ATP2A2: variants seen among roughly 807,000 people sequenced by gnomAD.
The protein encoded by ATP2A2 is ATPase sarcoplasmic/endoplasmic reticulum Ca2+ transporting 2.
Under a neutral mutation model 109.3 loss-of-function variants are expected in ATP2A2, and 14 were observed. The ratio of observed to expected loss-of-function variants is 0.13; its 90% CI spans 0.08 to 0.20. The LOEUF is 0.20. ATP2A2 is among the 10% of genes least tolerant of loss of function. The pLI is 1.00. For missense variants in ATP2A2, 657 were observed against 1,321.6 expected (o/e 0.50, Z 7.80); for synonymous variants, 506 against 490.9 (o/e 1.03, Z -0.41).
intron 3 of ATP2A2, among the ~76,000 whole-genome samples, chr12:110,289,683 A>G (rs1372282556): frequency 3.9e-5 from 6 of 152,128 alleles, no homozygotes; most frequent in African/African-American, 1.4e-4. Flanking sequence ...TACTAAGTAG[A>G]TCTTTTAAAG....
chr12:110,335,069 T>C (rs1878713131), intron 11 of ATP2A2, among the ~76,000 whole-genome samples: 1 of 152,138 alleles, frequency 6.6e-6, no homozygotes, highest in Non-Finnish European at 1.5e-5. Flanking sequence ...GAGACAGGGC[T>C]CATTCGACCA....
At chr12:110,334,525 C>G (rs1878644235) in intron 11 of ATP2A2, among the ~76,000 whole-genome samples, 1 of 150,672 alleles carries the variant, frequency 6.6e-6, no homozygotes, top group South Asian at 2.1e-4. Context: ...TATCTTGAAA[C>G]TTTCCTTTGA....
At chr12:110,299,051 C>T (rs1246827633) in intron 5 of ATP2A2, among the ~76,000 whole-genome samples, 1 of 152,054 alleles carries the variant, frequency 6.6e-6, no homozygotes, top group African/African-American at 2.4e-5. Flanking sequence ...CTCACTGCAG[C>T]GTTGACCTCC....
At chr12:110,281,970 G>T (rs532452455) in intron 1 of ATP2A2, 63 bp downstream of exon 1, 2 of 1,359,764 alleles carry the variant, frequency 1.5e-6, no homozygotes, top group South Asian at 1.3e-5. Flanking sequence ...GAAGATGGCT[G>T]ACCGGGCTCC....
At chr12:110,345,573 CTG>C (rs1448820927) in intron 18 of ATP2A2, 191 bp downstream of exon 18, 2 of 902,036 alleles carry the variant, frequency 2.2e-6, no homozygotes, top group African/African-American at 1.7e-5. Context: ...GTGCTTAGCC[CTG>C]TGTTTCTTAG....
chr12:110,341,318 T>TC (rs1879332348), intron 14 of ATP2A2, among the ~76,000 whole-genome samples: 1 of 152,144 alleles, frequency 6.6e-6, no homozygotes, highest in African/African-American at 2.4e-5. Context: ...GTTGTTTGGA[T>TC]CACCCTGCTT....
intron 5 of ATP2A2, among the ~76,000 whole-genome samples, chr12:110,303,491 A>C (rs948881147): frequency 6.6e-6 from 1 of 151,154 alleles, no homozygotes; most frequent in Non-Finnish European, 1.5e-5. Flanking sequence ...GCTCACTGCA[A>C]CCTCCGACTC....
intron 17 of ATP2A2, 35 bp from the exon 18 acceptor site, chr12:110,345,214 T>C (rs370708133): frequency 1.2e-6 from 2 of 1,614,108 alleles, no homozygotes; most frequent in Non-Finnish European, 1.7e-6. Flanking sequence ...GGAAATATAC[T>C]GGGCTGATAG....
At chr12:110,341,032 C>T in intron 14 of ATP2A2, 38 bp downstream of exon 14, 2 of 1,605,896 alleles carry the variant, frequency 1.2e-6, no homozygotes, top group South Asian at 1.1e-5. Context: ...ACTCAGGCTA[C>T]ACAAGCACAT....
intron 11 of ATP2A2, 29 bp downstream of exon 11, chr12:110,334,172 ATGCT>A (rs746160166): frequency 1.2e-6 from 2 of 1,612,834 alleles, no homozygotes; most frequent in Non-Finnish European, 1.7e-6. Flanking sequence ...TTTATTGTTC[ATGCT>A]GCTTATCAGT....
In ATP2A2 at chr12:110,304,102, CTT is replaced by C. The variant is rs545042542; in HGVS notation, c.463+7366_463+7367del. Among the ~76,000 whole-genome samples, 817 of 152,254 alleles carry C rather than the reference CTT, an allele frequency of 5.4e-3. 2 individuals carry two copies. Among genetic ancestry groups the C allele is most frequent in the Non-Finnish European group, 8.5e-3 (577 of 68,020 alleles). On this transcript the variant is annotated intron_variant, in intron 5 of 19. Coordinates refer to ENST00000539276, the MANE Select transcript of ATP2A2 (RefSeq NM_170665.4). ...AGTCAATCTTGGTGACTGGCTTTCTCTTAGCATAGTGTTACATTTCGTTCATG... is the reference window on the plus strand; with the variant it reads ...AGTCAATCTTGGTGACTGGCTTTCTCAGCATAGTGTTACATTTCGTTCATG...
At chr12:110,324,345 TAAA>T (rs889373965) in intron 6 of ATP2A2, among the ~76,000 whole-genome samples, 1 of 152,168 alleles carries the variant, frequency 6.6e-6, no homozygotes, top group African/African-American at 2.4e-5. Flanking sequence ...AATTAAGCCA[TAAA>T]ATGTTGGAGA....
At chr12:110,324,963 T>A (rs1189279644) in intron 6 of ATP2A2, among the ~76,000 whole-genome samples, 1 of 151,654 alleles carries the variant, frequency 6.6e-6, no homozygotes, top group Non-Finnish European at 1.5e-5. Flanking sequence ...ATTACAGGCA[T>A]GCACCACCAC....
intron 4 of ATP2A2, 128 bp from the exon 5 acceptor site, chr12:110,296,471 T>G (rs1011477062): frequency 1.1e-5 from 13 of 1,221,254 alleles, no homozygotes; most frequent in African/African-American, 9.0e-5. Context: ...GTGAATTGTT[T>G]AGTACAAATG....
chr12:110,301,756 G>A (rs1566209843), intron 5 of ATP2A2, among the ~76,000 whole-genome samples: 1 of 152,182 alleles, frequency 6.6e-6, no homozygotes, highest in Non-Finnish European at 1.5e-5. Context: ...TCTCTGACCT[G>A]ATAAACTTGC....
chr12:110,328,731 A>G (rs1878050070), intron 8 of ATP2A2, among the ~76,000 whole-genome samples: 1 of 151,852 alleles, frequency 6.6e-6, no homozygotes, highest in Admixed American at 6.6e-5. Context: ...ATGCCCCACT[A>G]GTTTTTTTAT....
At chr12:110,302,403 G>A (rs1246342437) in intron 5 of ATP2A2, among the ~76,000 whole-genome samples, 3 of 152,018 alleles carry the variant, frequency 2.0e-5, no homozygotes, top group African/African-American at 7.2e-5. Context: ...ATAAAGTGGA[G>A]TACAAATTTA....
Position 110,343,379 on chromosome 12 carries a change from C to G in ATP2A2, c.2466C>G (p.Asn822Lys), listed in dbSNP as rs1248948693. The change falls in exon 16 of 20, where the codon AAC becomes AAG. Residue 822 changes from asparagine (N) to lysine (K), a missense_variant. This residue lies in a region of ATP2A2 where 125 missense variants were observed against 243.5 expected (regional missense o/e 0.51). Transcript: ENST00000539276. ...ACATCATGAATAAACCTCCCCGGAACCCAAAGGAACCATTGATCAGCGGGT... is the reference window on the plus strand; with the variant it reads ...ACATCATGAATAAACCTCCCCGGAAGCCAAAGGAACCATTGATCAGCGGGT... ...DLDIMNKPPR[N>K]PKEPLISGWL... 1 of 1,614,094 alleles carries G rather than the reference C, an allele frequency of 6.2e-7. No homozygotes were observed. Among genetic ancestry groups the G allele is most frequent in the Non-Finnish European group, 8.5e-7 (1 of 1,180,054 alleles).
chr12:110,344,553 A>G lies in ATP2A2; in HGVS notation c.2522-333A>G, dbSNP rs555183639. Among the ~76,000 whole-genome samples the G allele has an allele frequency of 8.5e-5, 13 of 152,326 alleles. No homozygotes were observed. The East Asian group carries it at 2.5e-3, about 29-fold the overall frequency. On this transcript the variant is annotated intron_variant, in intron 16 of 19. Transcript: ENST00000539276. ...CTGTGCAGCCTTACATGGAGTACACACACACTTGCAGCCTTGAAGTACTAC... is the reference window on the plus strand; with the variant it reads ...CTGTGCAGCCTTACATGGAGTACACGCACACTTGCAGCCTTGAAGTACTAC...
Sources: allele counts gnomAD v4.1 joint callset (sites outside exome capture counted in the v4.1 genomes callset), GRCh38; gene constraint gnomAD v4.1.1; regional missense constraint gnomAD v4.1.1; transcripts MANE v1.5; gene names NCBI Gene and HGNC (gene_info 2026-07-23, HGNC 2026-07-21).